Variants in SLC4A10 observed in about 807,000 individuals in gnomAD.
The protein encoded by SLC4A10 is sodium-driven chloride bicarbonate exchanger.
SLC4A10 carries 42 observed loss-of-function variants against 137.7 expected under a neutral mutation model. The observed-to-expected ratio is 0.30, with a 90% CI of 0.24 to 0.39. The LOEUF (loss-of-function observed/expected upper bound fraction) is 0.39, where lower values mean the gene tolerates loss of function less well. SLC4A10 is among the 10% of genes least tolerant of loss of function. The pLI, the probability that SLC4A10 is intolerant of heterozygous loss-of-function variation, is 1.00. For missense variants in SLC4A10, 925 were observed against 1,355.0 expected (o/e 0.68, Z 4.98); for synonymous variants, 474 against 464.1 (o/e 1.02, Z -0.27).
intron 1 of SLC4A10, among the ~76,000 whole-genome samples, chr2:161,658,795 T>A (rs2037908695): frequency 6.6e-6 from 1 of 152,078 alleles, no homozygotes; most frequent in South Asian, 2.1e-4. Flanking sequence ...TTCACCTTTT[T>A]GGCCAGGCTG....
chr2:161,649,451 A>G (rs1266190235), intron 1 of SLC4A10, among the ~76,000 whole-genome samples: 1 of 151,978 alleles, frequency 6.6e-6, no homozygotes, highest in Non-Finnish European at 1.5e-5. Context: ...TTTCAAATTT[A>G]GTGGCCATTT....
chr2:161,889,962 T>G (rs954453574), intron 10 of SLC4A10, among the ~76,000 whole-genome samples: 4 of 152,214 alleles, frequency 2.6e-5, no homozygotes, highest in African/African-American at 9.6e-5. Context: ...GCTTCAGCTG[T>G]GTCCCAGAGA....
intron 10 of SLC4A10, among the ~76,000 whole-genome samples, chr2:161,887,280 T>C (rs2062413750): frequency 6.6e-6 from 1 of 152,064 alleles, no homozygotes; most frequent in Admixed American, 6.6e-5. Context: ...ATCTTTATAG[T>C]AGAACGTATC....
intron 1 of SLC4A10, among the ~76,000 whole-genome samples, chr2:161,745,162 G>A (rs760288382): frequency 6.7e-4 from 102 of 152,060 alleles, no homozygotes; most frequent in Non-Finnish European, 9.6e-4. Context: ...AATCTCTCTC[G>A]CTACCTTCTC....
rs1694624419 is a variant in SLC4A10, at chr2:161,950,574, A to G, written c.2380-113A>G. On this transcript the variant is annotated intron_variant, in intron 18 of 26. Coordinates refer to ENST00000446997, the MANE Select transcript of SLC4A10 (RefSeq NM_001178015.2). ...GTATTATTATTATTTATTATAGGCCACTCAGCTCCTCTGTTTATAATTAGG... is the reference window on the plus strand; with the variant it reads ...GTATTATTATTATTTATTATAGGCCGCTCAGCTCCTCTGTTTATAATTAGG... The G allele has an allele frequency of 3.5e-6, 3 of 868,552 alleles. No individual in the cohort carries two copies. In the Admixed American group the frequency reaches 9.5e-5, roughly 28 times the overall value. 53.8% of individuals were successfully genotyped at this position (868,552 alleles called of 1,614,324 possible). A position where few individuals can be genotyped will look rare whatever the true frequency, so the allele number is the denominator to read the frequency against.
At chr2:161,815,616 G>T (rs1046495293) in intron 3 of SLC4A10, among the ~76,000 whole-genome samples, 5 of 152,030 alleles carry the variant, frequency 3.3e-5, no homozygotes, top group Admixed American at 2.6e-4. Context: ...CAAACCTTCT[G>T]GCACATTGGA....
Position 161,704,021 on chromosome 2 carries a change from T to C in SLC4A10, c.49-66952T>C, listed in dbSNP as rs1010269300. Among the ~76,000 whole-genome samples the C allele has an allele frequency of 2.0e-5, 3 of 151,682 alleles. No homozygotes were observed. In the Admixed American group the frequency reaches 2.0e-4, roughly 10 times the overall value. ...ATGCCCCCAAGTTCAACCATATTCCTTGTAAATGTGAAAATATGGTAGTTT... is the reference window on the plus strand; with the variant it reads ...ATGCCCCCAAGTTCAACCATATTCCCTGTAAATGTGAAAATATGGTAGTTT... On this transcript the variant is annotated intron_variant, in intron 1 of 26. Transcript: ENST00000446997.
intron 1 of SLC4A10, among the ~76,000 whole-genome samples, chr2:161,767,200 G>GTATATATATACACA (rs1559203494): frequency 4.2e-5 from 4 of 95,718 alleles, no homozygotes; most frequent in Admixed American, 2.5e-4. Context: ...GTGTGTGTGT[G>GTATATATATACACA]TGTATATATA....
chr2:161,798,458 A>G (rs1307281433), intron 2 of SLC4A10, among the ~76,000 whole-genome samples: 1 of 151,830 alleles, frequency 6.6e-6, no homozygotes, highest in Non-Finnish European at 1.5e-5. Context: ...TCCTTTCCTC[A>G]CCGCATTTTA....
chr2:161,631,495 T>C (rs1399729817), intron 1 of SLC4A10, among the ~76,000 whole-genome samples: 1 of 151,608 alleles, frequency 6.6e-6, no homozygotes, highest in African/African-American at 2.4e-5. Context: ...TTGATTCTGT[T>C]TGTCAAGATA....
intron 1 of SLC4A10, among the ~76,000 whole-genome samples, chr2:161,649,037 A>AT (rs2036447390): frequency 6.6e-6 from 1 of 152,030 alleles, no homozygotes; most frequent in Non-Finnish European, 1.5e-5. Context: ...AGTTTTTGAG[A>AT]TTTTTTAACT....
At chr2:161,722,942 A>C (rs1261465414) in intron 1 of SLC4A10, among the ~76,000 whole-genome samples, 2 of 152,192 alleles carry the variant, frequency 1.3e-5, no homozygotes, top group African/African-American at 4.8e-5. Flanking sequence ...CTAAAGAAGC[A>C]GTCTGGCCAC....
intron 1 of SLC4A10, among the ~76,000 whole-genome samples, chr2:161,678,187 G>T (rs1286872571): frequency 1.3e-5 from 2 of 152,100 alleles, no homozygotes; most frequent in South Asian, 4.1e-4. Context: ...CTGGATGACT[G>T]GCTTAGATAA....
intron 6 of SLC4A10, among the ~76,000 whole-genome samples, chr2:161,867,469 A>G (rs963169282): frequency 1.3e-5 from 2 of 152,032 alleles, no homozygotes; most frequent in African/African-American, 4.8e-5. Context: ...ATAATTAAAC[A>G]TTGTTTAATA....
At chr2:161,966,512 G>A (rs1252467099) in intron 23 of SLC4A10, among the ~76,000 whole-genome samples, 3 of 151,968 alleles carry the variant, frequency 2.0e-5, no homozygotes, top group Admixed American at 6.6e-5. Context: ...AGCAGTTTGG[G>A]AGGCTGAGGC....
At chr2:161,928,274 A>G (rs1689589247) in intron 15 of SLC4A10, among the ~76,000 whole-genome samples, 1 of 150,136 alleles carries the variant, frequency 6.7e-6, no homozygotes, top group Admixed American at 6.7e-5. Flanking sequence ...TCGCAAGAAC[A>G]AAAAACCAAA....
At chr2:161,819,296 T>C (rs917635720) in intron 3 of SLC4A10, among the ~76,000 whole-genome samples, 1 of 152,126 alleles carries the variant, frequency 6.6e-6, no homozygotes, top group Non-Finnish European at 1.5e-5. Context: ...AGGAACTGGC[T>C]TTTGGTCTGT....
chr2:161,903,426 A>G (rs906057008), intron 12 of SLC4A10, among the ~76,000 whole-genome samples: 1 of 152,186 alleles, frequency 6.6e-6, no homozygotes, highest in East Asian at 1.9e-4. Context: ...GCTGCCATCC[A>G]AAAGGACATT....
At chr2:161,749,446 T>C (rs1574745007) in intron 1 of SLC4A10, among the ~76,000 whole-genome samples, 1 of 151,974 alleles carries the variant, frequency 6.6e-6, no homozygotes, top group South Asian at 2.1e-4. Flanking sequence ...GGAATTTATG[T>C]GAGAGTTTTT....
Sources: allele counts gnomAD v4.1 joint callset (sites outside exome capture counted in the v4.1 genomes callset), GRCh38; gene constraint gnomAD v4.1.1; transcripts MANE v1.5; gene names NCBI Gene and HGNC (gene_info 2026-07-23, HGNC 2026-07-21).